Variants in TAFA2 observed in about 807,000 individuals in gnomAD.
TAFA2 encodes the protein chemokine-like protein TAFA-2.
In TAFA2, 7 loss-of-function variants were observed where a neutral mutation model predicts 18.8. That is an observed-to-expected ratio of 0.37 (90% CI 0.21 to 0.70). TAFA2 has a LOEUF of 0.70. Among genes scored for constraint, TAFA2 ranks in the 30% least tolerant of loss-of-function variants. The probability of loss-of-function intolerance (pLI) is 0.53; values close to 1 mark genes in which losing one functional copy is unlikely to be tolerated. For synonymous variants in TAFA2, 60 were observed against 54.2 expected, an observed-to-expected ratio of 1.11 and a Z score of -0.47; for missense variants, 122 against 158.1, an observed-to-expected ratio of 0.77 and a Z score of 1.23.
intron 1 of TAFA2, among the ~76,000 whole-genome samples, chr12:62,005,704 G>A (rs781633756): frequency 5.3e-5 from 8 of 152,144 alleles, no homozygotes; most frequent in African/African-American, 1.9e-4. Flanking sequence ...TAGAAAGCAG[G>A]TTCCCTCTCT....
At chr12:61,772,577 C>T (rs114596650) in intron 2 of TAFA2, among the ~76,000 whole-genome samples, 322 of 151,990 alleles carry the variant, frequency 2.1e-3, no homozygotes, top group African/African-American at 6.9e-3. Context: ...TCAATAAATG[C>T]ATTACAGCGC....
rs1565662210 is a variant in TAFA2, at chr12:61,867,434, TA to T, written c.-1-9del. ...AAGTATCTCTTACTCATCCTGCAAA[TA>T]AAAAAATAATAAAAATCATAAGTAT... On this transcript the variant is annotated splice_polypyrimidine_tract_variant and intron_variant, in intron 1 of 4. Coordinates refer to ENST00000416284, the MANE Select transcript of TAFA2 (RefSeq NM_178539.5). 1 of 1,465,200 alleles carries T rather than the reference TA, an allele frequency of 6.8e-7. No individual in the cohort carries two copies. Among genetic ancestry groups the T allele is most frequent in the Non-Finnish European group, 9.5e-7 (1 of 1,054,282 alleles). The allele number at this position is 1,465,200 out of a possible 1,614,324, so 90.8% of individuals were successfully genotyped here. A position where few individuals can be genotyped will look rare whatever the true frequency, so the allele number is the denominator to read the frequency against.
intron 1 of TAFA2, among the ~76,000 whole-genome samples, chr12:62,206,576 G>A (rs959216580): frequency 5.9e-5 from 9 of 151,880 alleles, no homozygotes; most frequent in Admixed American, 4.6e-4. Flanking sequence ...TCACCCAGGC[G>A]GGATGCAGTG....
intron 2 of TAFA2, among the ~76,000 whole-genome samples, chr12:61,757,378 G>C (rs556273972): frequency 6.4e-4 from 98 of 152,104 alleles, no homozygotes; most frequent in African/African-American, 2.3e-3. Flanking sequence ...GGATAGAGAA[G>C]GCCTAGGAAA....
chr12:61,741,285 AGT>A (rs148540119), intron 4 of TAFA2, among the ~76,000 whole-genome samples: 91 of 145,100 alleles, frequency 6.3e-4, no homozygotes, highest in South Asian at 3.0e-3. Context: ...TGTGTGTGTG[AGT>A]GTGTGTGTGT....
chr12:61,714,608 G>A (rs1592339049), intron 4 of TAFA2, among the ~76,000 whole-genome samples: 1 of 152,088 alleles, frequency 6.6e-6, no homozygotes, highest in African/African-American at 2.4e-5. Context: ...ATAAAACCTG[G>A]TTAATGACAT....
intron 2 of TAFA2, among the ~76,000 whole-genome samples, chr12:61,850,177 G>T (rs1873583180): frequency 6.6e-6 from 1 of 151,806 alleles, no homozygotes; most frequent in Admixed American, 6.6e-5. Context: ...TTTTAAGGGA[G>T]AGGGATCAGT....
intron 1 of TAFA2, among the ~76,000 whole-genome samples, chr12:62,043,291 T>G (rs941395950): frequency 1.3e-5 from 2 of 152,080 alleles, no homozygotes; most frequent in Admixed American, 6.6e-5. Flanking sequence ...CCATAAAAAA[T>G]GATGAGTTCA....
At chr12:62,113,315 C>T (rs910892667) in intron 1 of TAFA2, among the ~76,000 whole-genome samples, 2 of 152,172 alleles carry the variant, frequency 1.3e-5, no homozygotes, top group Admixed American at 1.3e-4. Flanking sequence ...CCAGCAGAAG[C>T]TGCAGAGCAG....
chr12:62,180,361 T>C (rs930215124), intron 1 of TAFA2, among the ~76,000 whole-genome samples: 2 of 152,174 alleles, frequency 1.3e-5, no homozygotes, highest in African/African-American at 4.8e-5. Context: ...TCATTCCATT[T>C]AAAGCCTTTC....
chr12:62,131,900 T>C (rs1870701130), intron 1 of TAFA2, among the ~76,000 whole-genome samples: 2 of 152,000 alleles, frequency 1.3e-5, no homozygotes, highest in African/African-American at 2.4e-5. Context: ...ACTGTTTCAC[T>C]AGAAATTTAG....
rs561469722 is a variant in TAFA2 at position 61,895,799 on chromosome 12, G to A, written c.-1-28373C>T. Reference sequence around the variant, plus strand: ...CAATATATGTGTTTACTGGATGAACGAGTGAATGAAAAAATGAAGGCATCC... The same window carrying A: ...CAATATATGTGTTTACTGGATGAACAAGTGAATGAAAAAATGAAGGCATCC... On this transcript the variant is annotated intron_variant, in intron 1 of 4. Transcript: ENST00000416284. 3.9e-5 allele frequency among the ~76,000 whole-genome samples: 6 copies of A among 152,048 alleles called. No homozygotes were observed. The South Asian group carries it at 1.0e-3, about 26-fold the overall frequency.
At chr12:61,927,498 A>G (rs1310520809) in intron 1 of TAFA2, among the ~76,000 whole-genome samples, 1 of 152,206 alleles carries the variant, frequency 6.6e-6, no homozygotes. Context: ...AAAACTGCTC[A>G]AGGAAATAAG....
chr12:61,760,876 A>C (rs1869514744), intron 2 of TAFA2, among the ~76,000 whole-genome samples: 1 of 150,320 alleles, frequency 6.7e-6, no homozygotes, highest in African/African-American at 2.5e-5. Context: ...GTCACCAAAA[A>C]AAAAAAAAAA....
chr12:62,191,169 T>C (rs2062621295), intron 1 of TAFA2, 90 bp downstream of exon 1: 2 of 151,550 alleles, frequency 1.3e-5, no homozygotes, highest in African/African-American at 4.9e-5. Flanking sequence ...GGGAGACGTG[T>C]GCACACGGGG....
In TAFA2 at chr12:61,902,838, C is replaced by A. The variant is rs372409294; in HGVS notation, c.-1-35412G>T. 4.6e-5 allele frequency among the ~76,000 whole-genome samples: 7 copies of A among 152,184 alleles called. No homozygotes were observed. In the East Asian group the frequency reaches 5.8e-4, roughly 13 times the overall value. Reference sequence around the variant, plus strand: ...CCTGAGTAGAGTGATGCATTTTCATCCTTCTACCCTGTCTACGATCCCTCT... The same window carrying A: ...CCTGAGTAGAGTGATGCATTTTCATACTTCTACCCTGTCTACGATCCCTCT... On this transcript the variant is annotated intron_variant, in intron 1 of 4. Transcript: ENST00000416284.
intron 2 of TAFA2, among the ~76,000 whole-genome samples, chr12:61,831,901 G>A (rs1474439896): frequency 6.6e-6 from 1 of 151,868 alleles, no homozygotes; most frequent in Non-Finnish European, 1.5e-5. Flanking sequence ...CTTTGGAAAT[G>A]AGCGGTCTGA....
At chr12:62,054,081 C>T (rs2136778141) in intron 1 of TAFA2, among the ~76,000 whole-genome samples, 1 of 152,290 alleles carries the variant, frequency 6.6e-6, no homozygotes, top group East Asian at 1.9e-4. Flanking sequence ...CTCAACTCAG[C>T]ATACATGATA....
At chr12:61,759,399 ATGG>A (rs1869430962) in intron 2 of TAFA2, among the ~76,000 whole-genome samples, 1 of 151,378 alleles carries the variant, frequency 6.6e-6, no homozygotes, top group African/African-American at 2.5e-5. Context: ...TCAATTCTAT[ATGG>A]AAGCTTTAAG....
Sources: gnomAD v4.1 joint callset for allele counts (sites outside exome capture counted in the v4.1 genomes callset) on GRCh38, gnomAD v4.1.1 for gene constraint, MANE v1.5 for transcripts, NCBI Gene and HGNC (gene_info 2026-07-23, HGNC 2026-07-21) for gene names.